GABRB1: variants seen among roughly 807,000 people sequenced by gnomAD.
The protein encoded by GABRB1 is gamma-aminobutyric acid type A receptor subunit beta1.
A neutral mutation model predicts 51.6 loss-of-function variants in GABRB1; 17 were observed. The ratio of observed to expected loss-of-function variants is 0.33; its 90% CI spans 0.23 to 0.49. The LOEUF (loss-of-function observed/expected upper bound fraction) is 0.49, where lower values mean the gene tolerates loss of function less well. Ranked by LOEUF, GABRB1 falls within the 20% of genes least tolerant of loss-of-function variation. GABRB1 has a pLI of 0.99. For synonymous variants in GABRB1, 247 were observed against 218.9 expected (o/e 1.13, Z -1.14); for missense variants, 410 against 600.6 (o/e 0.68, Z 3.32).
intron 5 of GABRB1, among the ~76,000 whole-genome samples, chr4:47,362,500 G>A (rs1034049535): frequency 1.6e-4 from 25 of 152,010 alleles, no homozygotes; most frequent in Non-Finnish European, 1.6e-4. Flanking sequence ...TATAAAATTC[G>A]AGCATTTTCG....
intron 4 of GABRB1, among the ~76,000 whole-genome samples, chr4:47,199,975 T>C (rs1719836705): frequency 6.6e-6 from 1 of 152,160 alleles, no homozygotes; most frequent in Non-Finnish European, 1.5e-5. Context: ...GATGTACATA[T>C]GGGATAGGCA....
At chr4:47,424,071 TA>T (rs1432760708) in intron 8 of GABRB1, among the ~76,000 whole-genome samples, 3 of 151,938 alleles carry the variant, frequency 2.0e-5, no homozygotes, top group African/African-American at 7.3e-5. Context: ...CAATGATAGG[TA>T]AAAAAGGAGA....
intron 3 of GABRB1, among the ~76,000 whole-genome samples, chr4:47,145,137 A>G (rs535815000): frequency 1.3e-5 from 2 of 152,132 alleles, no homozygotes; most frequent in Admixed American, 6.6e-5. Context: ...ATCTCTTTGT[A>G]TCTGCAGCAG....
chr4:47,317,131 C>A (rs1301920223), intron 4 of GABRB1, among the ~76,000 whole-genome samples: 3 of 151,966 alleles, frequency 2.0e-5, no homozygotes, highest in Non-Finnish European at 4.4e-5. Flanking sequence ...TTGTTGGGGA[C>A]TGTCCTGTGC....
chr4:47,108,333 G>A (rs1715059225), intron 3 of GABRB1, among the ~76,000 whole-genome samples: 1 of 152,032 alleles, frequency 6.6e-6, no homozygotes, highest in Non-Finnish European at 1.5e-5. Context: ...AAATGGGAAA[G>A]GAGTAAAAGA....
chr4:47,388,010 G>A (rs1727860519), intron 5 of GABRB1, among the ~76,000 whole-genome samples: 1 of 152,174 alleles, frequency 6.6e-6, no homozygotes, highest in Non-Finnish European at 1.5e-5. Context: ...CGTTGCACTA[G>A]AGTCCCATTG....
At chr4:47,345,825 T>A (rs564396748) in intron 5 of GABRB1, among the ~76,000 whole-genome samples, 4 of 152,136 alleles carry the variant, frequency 2.6e-5, no homozygotes, top group Non-Finnish European at 5.9e-5. Flanking sequence ...AAAAAGACCC[T>A]TCCAGCTCCT....
intron 4 of GABRB1, among the ~76,000 whole-genome samples, chr4:47,294,630 A>T (rs906628780): frequency 3.3e-5 from 5 of 152,244 alleles, no homozygotes; most frequent in Admixed American, 6.5e-5. Flanking sequence ...AGCCCACCAC[A>T]GCTCAAGGAG....
chr4:47,099,323 G>T (rs951751312), intron 3 of GABRB1, among the ~76,000 whole-genome samples: 2 of 152,052 alleles, frequency 1.3e-5, no homozygotes, highest in African/African-American at 4.8e-5. Context: ...CTGCTGTAGA[G>T]AATAGAATGA....
chr4:47,265,342 A>T (rs899579932), intron 4 of GABRB1, among the ~76,000 whole-genome samples: 3 of 152,126 alleles, frequency 2.0e-5, no homozygotes, highest in African/African-American at 7.2e-5. Flanking sequence ...CATTTTATTC[A>T]TCCAGTCATT....
At chr4:47,400,921 CTTTTTTTTTTT>C (rs71195629) in intron 5 of GABRB1, among the ~76,000 whole-genome samples, 109 of 98,578 alleles carry the variant, frequency 1.1e-3, no homozygotes, top group Admixed American at 3.2e-3. Flanking sequence ...TTGTTCTTCT[CTTTTTTTTTTT>C]TTTTTTTTTT....
At chr4:47,253,172 G>A (rs3098798) in intron 4 of GABRB1, among the ~76,000 whole-genome samples, 134,348 of 152,220 alleles carry the variant, frequency 0.88, 59,523 homozygotes, top group East Asian at 0.98. Context: ...CTCTTGAACA[G>A]ATATACTATA....
At chr4:47,262,653 G>A (rs928039324) in intron 4 of GABRB1, among the ~76,000 whole-genome samples, 4 of 152,204 alleles carry the variant, frequency 2.6e-5, no homozygotes, top group African/African-American at 7.2e-5. Context: ...TCAGGGATCT[G>A]GAACTAAAAA....
chr4:47,066,981 C>A (rs1268783010), intron 3 of GABRB1, among the ~76,000 whole-genome samples: 2 of 152,116 alleles, frequency 1.3e-5, no homozygotes, highest in East Asian at 3.9e-4. Context: ...GACTTGAAAC[C>A]TGGAATTACT....
intron 3 of GABRB1, among the ~76,000 whole-genome samples, chr4:47,145,635 T>G (rs1286279817): frequency 6.6e-6 from 1 of 152,026 alleles, no homozygotes; most frequent in Non-Finnish European, 1.5e-5. Flanking sequence ...TATAGGGCAC[T>G]AAAAATGATT....
intron 3 of GABRB1, among the ~76,000 whole-genome samples, chr4:47,145,225 CT>C (rs1717107688): frequency 6.6e-6 from 1 of 151,998 alleles, no homozygotes; most frequent in Admixed American, 6.6e-5. Context: ...GAAAACCTTT[CT>C]TGTCAAAGAA....
At chr4:47,112,592 T>G (rs1250223790) in intron 3 of GABRB1, among the ~76,000 whole-genome samples, 2 of 152,218 alleles carry the variant, frequency 1.3e-5, no homozygotes, top group Non-Finnish European at 2.9e-5. Flanking sequence ...CACCTGAAGA[T>G]GAAAAGGAAA....
chr4:47,163,630 C>G (rs1180621142), intron 4 of GABRB1, among the ~76,000 whole-genome samples: 1 of 151,884 alleles, frequency 6.6e-6, no homozygotes, highest in Admixed American at 6.6e-5. Flanking sequence ...GAAGCCCAAA[C>G]CTCAGCATCA....
intron 3 of GABRB1, among the ~76,000 whole-genome samples, chr4:47,086,870 G>T (rs1331605386): frequency 1.3e-5 from 2 of 152,162 alleles, no homozygotes; most frequent in Non-Finnish European, 2.9e-5. Flanking sequence ...TACTGCTTCT[G>T]ATACCTCCAT....
Sources: gnomAD v4.1 joint callset for allele counts (sites outside exome capture counted in the v4.1 genomes callset) on GRCh38, gnomAD v4.1.1 for gene constraint, MANE v1.5 for transcripts, NCBI Gene and HGNC (gene_info 2026-07-23, HGNC 2026-07-21) for gene names.